Variants in ATRN observed in about 807,000 individuals in gnomAD.
ATRN encodes the protein attractin-2.
A neutral mutation model predicts 178.7 loss-of-function variants in ATRN; 54 were observed. The ratio of observed to expected loss-of-function variants is 0.30; its 90% CI spans 0.24 to 0.38. The LOEUF is 0.38. Among genes scored for constraint, ATRN ranks in the 10% least tolerant of loss-of-function variants. The probability of loss-of-function intolerance (pLI) is 1.00; values close to 1 mark genes in which losing one functional copy is unlikely to be tolerated. For synonymous variants in ATRN, 636 were observed against 663.0 expected (o/e 0.96, Z 0.63); for missense variants, 1,443 against 1,815.1 (o/e 0.79, Z 3.73).
intron 1 of ATRN, among the ~76,000 whole-genome samples, chr20:3,482,330 T>C (rs1387205670): frequency 6.6e-6 from 1 of 152,148 alleles, no homozygotes; most frequent in Non-Finnish European, 1.5e-5. Context: ...AGATTGAATT[T>C]AACTGTGTTT....
chr20:3,596,836 G>A (rs2086536890), intron 21 of ATRN, among the ~76,000 whole-genome samples: 1 of 152,074 alleles, frequency 6.6e-6, no homozygotes, highest in South Asian at 2.1e-4. Flanking sequence ...ACTGATTTGT[G>A]TTAACCACCT....
intron 4 of ATRN, 139 bp downstream of exon 4, chr20:3,546,029 TC>T: frequency 1.0e-6 from 1 of 975,168 alleles, no homozygotes; most frequent in Non-Finnish European, 1.5e-6. Context: ...TTAAAATTCT[TC>T]CATAAATTCA....
rs1453676407 is a variant in ATRN, at chr20:3,585,136, A to G, written c.3184+256A>G. On this transcript the variant is annotated intron_variant, in intron 18 of 28. Coordinates refer to ENST00000262919, the MANE Select transcript of ATRN (RefSeq NM_139321.3). Reference sequence around the variant, plus strand: ...TCAGACTTGAAGTGACCACTCAGCAATGTGTCTGTGGGTTTCTAGAACAGT... The same window carrying G: ...TCAGACTTGAAGTGACCACTCAGCAGTGTGTCTGTGGGTTTCTAGAACAGT... 4.6e-5 allele frequency among the ~76,000 whole-genome samples: 7 copies of G among 152,266 alleles called. No individual in the cohort carries two copies. The East Asian group carries it at 9.6e-4, about 21-fold the overall frequency.
intron 1 of ATRN, among the ~76,000 whole-genome samples, chr20:3,528,557 A>C (rs2085406512): frequency 2.6e-5 from 4 of 152,076 alleles, no homozygotes; most frequent in Admixed American, 1.3e-4. Flanking sequence ...ACATGGACAC[A>C]AGGGAGCAAC....
At position 3,600,967 on chromosome 20, in the gene ATRN, T is replaced by C; in HGVS notation, c.3586T>C (p.Phe1196Leu). The C allele has an allele frequency of 1.9e-6, 3 of 1,613,918 alleles. No individual in the cohort carries two copies. The highest frequency in any genetic ancestry group is 2.5e-6 in the Non-Finnish European group (3 of 1,179,834). ...TCAGCAAAACAGGGATTTGGACATG[T>C]TCATCAATGCCTCCAAGAATTTCAA... ...PDEQNRDLDM[F>L]INASKNFNLN... The change falls in exon 23 of 29, where the codon TTC becomes CTC. Residue 1196 changes from phenylalanine (F) to leucine (L), a missense_variant. This residue lies in a region of ATRN where 289 missense variants were observed against 440.8 expected (regional missense o/e 0.66). Coordinates refer to ENST00000262919, the MANE Select transcript of ATRN (RefSeq NM_139321.3).
intron 26 of ATRN, among the ~76,000 whole-genome samples, chr20:3,637,007 A>C (rs986226804): frequency 1.3e-5 from 2 of 152,260 alleles, no homozygotes; most frequent in Non-Finnish European, 2.9e-5. Context: ...TAAATGAATA[A>C]CACAGAAGCT....
Position 3,646,770 on chromosome 20 carries a change from A to G in ATRN, c.4213A>G (p.Ile1405Val), listed in dbSNP as rs2087110876. Residue 1405 changes from isoleucine (I) to valine (V), a missense_variant, in exon 29 of 29, where the codon ATA becomes GTA. Physicochemically the swap from Ile to Val is conservative, Grantham distance 29 (BLOSUM62 3). Coordinates refer to ENST00000262919, the MANE Select transcript of ATRN (RefSeq NM_139321.3). ...GGTGGACATTTCTCAGCAGATGCCG[A>G]TAGTGTACAAGGAGAAGTCAGGAGC... ...ALVDISQQMP[I>V]VYKEKSGAVR... is the part of the protein sequence containing the mutation. 3.7e-6 allele frequency: 6 copies of G among 1,608,360 alleles called. No homozygotes were observed. Among genetic ancestry groups the G allele is most frequent in the Non-Finnish European group, 5.1e-6 (6 of 1,177,370 alleles).
intron 1 of ATRN, among the ~76,000 whole-genome samples, chr20:3,483,601 G>A (rs2084651535): frequency 6.6e-6 from 1 of 152,142 alleles, no homozygotes; most frequent in African/African-American, 2.4e-5. Context: ...CCTGCCTGGG[G>A]CTCTCAGAGT....
chr20:3,482,073 AATC>A (rs1435363161), intron 1 of ATRN, among the ~76,000 whole-genome samples: 1 of 151,866 alleles, frequency 6.6e-6, no homozygotes, highest in African/African-American at 2.4e-5. Context: ...AAAAAATAAT[AATC>A]TTTTAAAAAA....
intron 1 of ATRN, among the ~76,000 whole-genome samples, chr20:3,482,968 T>TTATTCTAAATTTA (rs1315458565): frequency 6.6e-6 from 1 of 152,180 alleles, no homozygotes; most frequent in Admixed American, 6.5e-5. Context: ...TTCATATTAA[T>TTATTCTAAATTTA]GTTATTCTAA....
intron 25 of ATRN, among the ~76,000 whole-genome samples, chr20:3,631,071 C>T (rs993443868): frequency 6.6e-6 from 1 of 151,250 alleles, no homozygotes; most frequent in Admixed American, 6.6e-5. Flanking sequence ...ACCTCAGTCT[C>T]CCAAGTAGAG....
chr20:3,519,428 T>C (rs2085257532), intron 1 of ATRN, among the ~76,000 whole-genome samples: 1 of 152,204 alleles, frequency 6.6e-6, no homozygotes, highest in Non-Finnish European at 1.5e-5. Context: ...AGCTGAAATC[T>C]ATGATTTCCT....
At chr20:3,503,665 A>C (rs2084994555) in intron 1 of ATRN, among the ~76,000 whole-genome samples, 1 of 152,186 alleles carries the variant, frequency 6.6e-6, no homozygotes, top group Non-Finnish European at 1.5e-5. Context: ...GGAACTATAG[A>C]ATTCACTTAA....
intron 18 of ATRN, among the ~76,000 whole-genome samples, chr20:3,585,996 C>A (rs2086352113): frequency 6.6e-6 from 1 of 152,074 alleles, no homozygotes; most frequent in South Asian, 2.1e-4. Context: ...TTGGCAGGTC[C>A]TCAAAAAGTT....
intron 27 of ATRN, 49 bp from the exon 28 acceptor site, chr20:3,644,105 A>G (rs1422721163): frequency 5.9e-6 from 8 of 1,361,558 alleles, no homozygotes; most frequent in Non-Finnish European, 8.4e-6. Flanking sequence ...TTGTCCGTAT[A>G]CATTAAAGCT....
chr20:3,545,656 G>T, intron 3 of ATRN, 106 bp from the exon 4 acceptor site: 1 of 1,428,752 alleles, frequency 7.0e-7, no homozygotes, highest in East Asian at 2.3e-5. Context: ...CTTCCTGGAT[G>T]TGGTTTTTAA....
intron 13 of ATRN, among the ~76,000 whole-genome samples, chr20:3,576,210 T>A (rs983485864): frequency 1.3e-5 from 2 of 152,188 alleles, no homozygotes; most frequent in Non-Finnish European, 2.9e-5. Flanking sequence ...AAGCACTGGA[T>A]CCTTGGTTTG....
chr20:3,635,367 A>T (rs1239365427), intron 26 of ATRN, among the ~76,000 whole-genome samples: 2 of 135,200 alleles, frequency 1.5e-5, no homozygotes, highest in Admixed American at 6.9e-5. Flanking sequence ...TTGAAATAAT[A>T]AATAAATAAA....
At chr20:3,565,603 T>C (rs1333581229) in intron 11 of ATRN, among the ~76,000 whole-genome samples, 171 bp downstream of exon 11, 1 of 151,986 alleles carries the variant, frequency 6.6e-6, no homozygotes, top group African/African-American at 2.4e-5. Flanking sequence ...CCATCTCTAC[T>C]AAAAGTACAA....
Sources: allele counts gnomAD v4.1 joint callset (sites outside exome capture counted in the v4.1 genomes callset), GRCh38; gene constraint gnomAD v4.1.1; regional missense constraint gnomAD v4.1.1; transcripts MANE v1.5; gene names NCBI Gene and HGNC (gene_info 2026-07-23, HGNC 2026-07-21).